The following NBEA variants were observed in gnomAD, a reference collection of about 807,000 sequenced individuals.
The protein encoded by NBEA is neurobeachin.
NBEA carries 44 observed loss-of-function variants against 343.4 expected under a neutral mutation model. That is an observed-to-expected ratio of 0.13 (90% CI 0.10 to 0.16). The LOEUF is 0.16. Among genes scored for constraint, NBEA ranks in the 10% least tolerant of loss-of-function variants. The pLI is 1.00. For missense variants in NBEA, 2,555 were observed against 3,631.3 expected, an observed-to-expected ratio of 0.70 and a Z score of 7.62; for synonymous variants, 1,175 against 1,238.7, an observed-to-expected ratio of 0.95 and a Z score of 1.08.
intron 41 of NBEA, among the ~76,000 whole-genome samples, chr13:35,522,969 GT>G (rs1263277024): frequency 1.3e-5 from 2 of 152,084 alleles, no homozygotes; most frequent in African/African-American, 4.8e-5. Flanking sequence ...AAGAACAGAT[GT>G]GAGAAATACT....
intron 57 of NBEA, 117 bp downstream of exon 57, chr13:35,667,687 A>G: frequency 2.0e-6 from 2 of 1,009,702 alleles, no homozygotes; most frequent in Non-Finnish European, 2.9e-6. Flanking sequence ...TGTGTTCTAG[A>G]TTAAAAGTAT....
intron 33 of NBEA, among the ~76,000 whole-genome samples, chr13:35,221,625 T>G (rs1252408197): frequency 6.6e-6 from 1 of 152,016 alleles, no homozygotes; most frequent in Non-Finnish European, 1.5e-5. Flanking sequence ...CAGAAAAAAA[T>G]GTATTTTTTT....
intron 36 of NBEA, among the ~76,000 whole-genome samples, chr13:35,311,329 A>G (rs570226596): frequency 2.0e-5 from 3 of 151,420 alleles, no homozygotes; most frequent in African/African-American, 7.2e-5. Flanking sequence ...ATATATATAT[A>G]TATAAAATTA....
chr13:35,029,154 A>G (rs1177289687), intron 1 of NBEA, among the ~76,000 whole-genome samples: 1 of 145,084 alleles, frequency 6.9e-6, no homozygotes, highest in African/African-American at 2.6e-5. Flanking sequence ...GAGGGCACAA[A>G]CAATTAGTCT....
At chr13:35,424,228 A>C (rs1057355175) in intron 38 of NBEA, among the ~76,000 whole-genome samples, 4 of 152,110 alleles carry the variant, frequency 2.6e-5, no homozygotes, top group Non-Finnish European at 1.5e-5. Flanking sequence ...GTCTTGTGCC[A>C]GTTTTCAAAG....
chr13:35,381,441 TTAG>T, intron 38 of NBEA, among the ~76,000 whole-genome samples: 1 of 152,114 alleles, frequency 6.6e-6, no homozygotes, highest in Non-Finnish European at 1.5e-5. Flanking sequence ...AAAGCAATAT[TTAG>T]TAATATTTGA....
intron 1 of NBEA, among the ~76,000 whole-genome samples, chr13:34,943,585 C>T (rs981211190): frequency 6.6e-6 from 1 of 152,154 alleles, no homozygotes; most frequent in Non-Finnish European, 1.5e-5. Context: ...CCAACTTGAG[C>T]AGCTGGGGTG....
chr13:35,151,842 T>C (rs761176520), intron 18 of NBEA, among the ~76,000 whole-genome samples: 1 of 152,136 alleles, frequency 6.6e-6, no homozygotes, highest in African/African-American at 2.4e-5. Context: ...ATTTGTATCT[T>C]TAGTTTTGCT....
intron 11 of NBEA, among the ~76,000 whole-genome samples, chr13:35,107,259 C>G (rs1343106575): frequency 6.7e-6 from 1 of 150,280 alleles, no homozygotes; most frequent in African/African-American, 2.5e-5. Context: ...TTTTTAAACT[C>G]AAATACTTGT....
intron 42 of NBEA, 80 bp from the exon 43 acceptor site, chr13:35,550,850 C>T: frequency 1.3e-6 from 1 of 799,890 alleles, no homozygotes. Context: ...TCATGATAGG[C>T]ACTTGAAGAT....
At chr13:35,477,050 G>C (rs143574811) in intron 41 of NBEA, 235 of 167,670 alleles carry the variant, frequency 1.4e-3, no homozygotes, top group Non-Finnish European at 2.7e-3. Flanking sequence ...TAGTGATCTT[G>C]ACGGGGTTTT....
chr13:35,109,496 T>C, intron 12 of NBEA, 54 bp downstream of exon 12: 1 of 1,437,342 alleles, frequency 7.0e-7, no homozygotes. Flanking sequence ...TACATTATAG[T>C]TGCTGGATCT....
intron 45 of NBEA, among the ~76,000 whole-genome samples, chr13:35,577,537 A>G (rs1019681395): frequency 2.6e-5 from 4 of 152,102 alleles, no homozygotes; most frequent in African/African-American, 9.7e-5. Context: ...GATTTGTAAG[A>G]GCACATTTTT....
intron 18 of NBEA, among the ~76,000 whole-genome samples, chr13:35,143,509 C>T (rs2152696899): frequency 6.6e-6 from 1 of 152,170 alleles, no homozygotes; most frequent in Middle Eastern, 3.4e-3. Context: ...GATGGCAAGG[C>T]CTTGCGTCTG....
chr13:35,184,117 A>T lies in NBEA; in HGVS notation c.4927+46A>T, dbSNP rs569264189. The T allele has an allele frequency of 6.1e-5, 84 of 1,374,324 alleles. No homozygotes were observed. In the African/African-American group the frequency reaches 1.0e-3, roughly 17 times the overall value. 85.1% of individuals were successfully genotyped at this position (1,374,324 alleles called of 1,614,324 possible). The stretch of plus-strand genomic sequence containing the variant: ...TGACCTGTTTGGGTATTCTTATTTC[A>T]TGAATTGTTTTAAAATAAATATTCA... On this transcript the variant is annotated intron_variant, in intron 30 of 58. Transcript: ENST00000379939.
rs539948019 is a variant in NBEA at position 35,095,642 on chromosome 13, G to A, written c.1572-2655G>A. The stretch of plus-strand genomic sequence containing the variant: ...ACATCATTTTCCTTAAAAAGATACA[G>A]GATTACAAACTCTTATCCATTCTTG... On this transcript the variant is annotated intron_variant, in intron 10 of 58. Transcript: ENST00000379939. 4.0e-4 allele frequency among the ~76,000 whole-genome samples: 61 copies of A among 151,836 alleles called. 1 individual carries two copies. The highest frequency in any genetic ancestry group is 1.3e-3 in the African/African-American group (56 of 41,502).
intron 36 of NBEA, among the ~76,000 whole-genome samples, chr13:35,342,002 T>C (rs748559027): frequency 1.3e-5 from 2 of 152,082 alleles, no homozygotes; most frequent in Non-Finnish European, 2.9e-5. Context: ...CAAACTATGA[T>C]ATATGCATAA....
At chr13:35,477,457 C>CACAACGCT (rs2075926619) in intron 41 of NBEA, among the ~76,000 whole-genome samples, 1 of 152,134 alleles carries the variant, frequency 6.6e-6, no homozygotes, top group Non-Finnish European at 1.5e-5. Context: ...ACAAGCAGGA[C>CACAACGCT]ACAACGCTAT....
At chr13:35,249,230 A>G (rs2031652449) in intron 34 of NBEA, among the ~76,000 whole-genome samples, 2 of 152,122 alleles carry the variant, frequency 1.3e-5, no homozygotes, top group Admixed American at 6.5e-5. Flanking sequence ...TTCTAAAATC[A>G]GAAATATAGG....
Sources: allele counts gnomAD v4.1 joint callset (sites outside exome capture counted in the v4.1 genomes callset), GRCh38; gene constraint gnomAD v4.1.1; transcripts MANE v1.5; gene names NCBI Gene and HGNC (gene_info 2026-07-23, HGNC 2026-07-21).